Variants in DIPK1A observed in about 807,000 individuals in gnomAD.
The protein encoded by DIPK1A is divergent protein kinase domain 1A.
Under a neutral mutation model 40.8 loss-of-function variants are expected in DIPK1A, and 27 were observed. The ratio of observed to expected loss-of-function variants is 0.66; its 90% CI spans 0.49 to 0.91. The LOEUF (loss-of-function observed/expected upper bound fraction) is 0.91, where lower values mean the gene tolerates loss of function less well. DIPK1A is among the 40% of genes least tolerant of loss of function. DIPK1A has a pLI of 0.00. For synonymous variants in DIPK1A, 166 were observed against 171.3 expected (o/e 0.97, Z 0.24); for missense variants, 412 against 505.7 (o/e 0.81, Z 1.78).
chr1:92,943,037 C>G (rs1302846180), intron 1 of DIPK1A, among the ~76,000 whole-genome samples: 2 of 152,218 alleles, frequency 1.3e-5, no homozygotes, highest in African/African-American at 4.8e-5. Flanking sequence ...TATTAGAAAA[C>G]AGATGCTGCA....
At position 92,843,433 on chromosome 1, in the gene DIPK1A, T is replaced by C. The variant is rs1322969384; in HGVS notation, c.1237A>G (p.Asn413Asp). 6.4e-7 allele frequency: 1 copy of C among 1,550,452 alleles called. No individual in the cohort carries two copies. The highest frequency in any genetic ancestry group is 1.4e-5 in the African/African-American group (1 of 73,122). ...TTCTTCCACAATAATGTTTTTAGGT[T>C]ATTTAGTATCAAAGAATGTTCCATT... is the stretch of plus-strand genomic sequence containing the variant. The part of the protein sequence containing the change: ...MEMEHSLILN[N>D]LKTLLWKKIS... The change falls in exon 5 of 5, where the codon AAC becomes GAC. Residue 413 changes from asparagine (N) to aspartate (D), a missense_variant. Coordinates refer to ENST00000370310, the MANE Select transcript of DIPK1A (RefSeq NM_001006605.5).
chr1:92,839,909 T>C (rs1017088020), downstream of DIPK1A, among the ~76,000 whole-genome samples: 4 of 152,014 alleles, frequency 2.6e-5, no homozygotes, highest in Non-Finnish European at 5.9e-5. Flanking sequence ...GGCACAATTA[T>C]AGCTCATTGC....
At chr1:92,936,925 AC>A (rs918470114) in intron 1 of DIPK1A, among the ~76,000 whole-genome samples, 9 of 152,218 alleles carry the variant, frequency 5.9e-5, no homozygotes, top group African/African-American at 1.9e-4. Context: ...AGATATAGAT[AC>A]CCTTACATGC....
At chr1:92,920,558 C>T (rs904255148) in intron 1 of DIPK1A, among the ~76,000 whole-genome samples, 1 of 152,330 alleles carries the variant, frequency 6.6e-6, no homozygotes, top group African/African-American at 2.4e-5. Context: ...AGAAGAGATA[C>T]ATATCTAGCT....
At chr1:92,887,170 C>G (rs1188510950) in intron 1 of DIPK1A, among the ~76,000 whole-genome samples, 1 of 148,918 alleles carries the variant, frequency 6.7e-6, no homozygotes, top group Non-Finnish European at 1.5e-5. Flanking sequence ...GTAATTCCAG[C>G]ACTTTAGGAG....
At chr1:92,844,224 A>C in intron 4 of DIPK1A, 29 bp from the exon 5 acceptor site, 3 of 1,427,866 alleles carry the variant, frequency 2.1e-6, no homozygotes, top group Non-Finnish European at 2.9e-6. Flanking sequence ...GTTACACAGA[A>C]GGAATGAAAA....
chr1:92,845,592 G>A lies in DIPK1A; in HGVS notation c.475-1397C>T, dbSNP rs1040935047. On this transcript the variant is annotated intron_variant, in intron 4 of 4. Coordinates refer to ENST00000370310, the MANE Select transcript of DIPK1A (RefSeq NM_001006605.5). ...GGTGGCTCACGCCTGTAATCCCAGCGCTTTGGGAGGCTGAGGCGGGTGGAT... is the reference window on the plus strand; with the variant it reads ...GGTGGCTCACGCCTGTAATCCCAGCACTTTGGGAGGCTGAGGCGGGTGGAT... 38 of 276,228 alleles carry A rather than the reference G, an allele frequency of 1.4e-4. 1 individual carries two copies. The highest frequency in any genetic ancestry group is 1.1e-3 in the South Asian group (35 of 33,182). 17.1% of individuals were successfully genotyped at this position (276,228 alleles called of 1,614,324 possible). A position where few individuals can be genotyped will look rare whatever the true frequency, so the allele number is the denominator to read the frequency against.
chr1:92,961,375 C>T lies in DIPK1A; in HGVS notation c.54+1G>A. ...TGGTGGCTGGGCGGCCGCCGGCCTACCTGGAGGTAATAGGGTTTCCTTAGC... is the reference window on the plus strand; with the variant it reads ...TGGTGGCTGGGCGGCCGCCGGCCTATCTGGAGGTAATAGGGTTTCCTTAGC... On this transcript the variant is annotated splice_donor_variant, in intron 1 of 4. Transcript: ENST00000370310. LOFTEE classifies it high-confidence loss of function. The T allele has an allele frequency of 2.0e-6, 3 of 1,519,920 alleles. No homozygotes were observed. The highest frequency in any genetic ancestry group is 2.7e-6 in the Non-Finnish European group (3 of 1,130,648). The allele number at this position is 1,519,920 out of a possible 1,614,324, so 94.2% of individuals were successfully genotyped here.
chr1:92,870,431 G>A (rs905453176), intron 2 of DIPK1A, among the ~76,000 whole-genome samples: 15 of 152,166 alleles, frequency 9.9e-5, no homozygotes, highest in African/African-American at 3.6e-4. Flanking sequence ...TCACCATGTT[G>A]GCCAGGCTGG....
intron 1 of DIPK1A, among the ~76,000 whole-genome samples, chr1:92,891,117 T>C (rs1648850911): frequency 6.6e-6 from 1 of 152,182 alleles, no homozygotes; most frequent in South Asian, 2.1e-4. Context: ...TTCTTCATGA[T>C]ACAAAGTCTC....
intron 1 of DIPK1A, among the ~76,000 whole-genome samples, chr1:92,894,416 T>C (rs1489866584): frequency 6.6e-5 from 10 of 152,076 alleles, no homozygotes; most frequent in East Asian, 1.9e-4. Context: ...GGGTACATAA[T>C]GAAATGAAGG....
At chr1:92,858,007 T>C (rs1242983458) in intron 2 of DIPK1A, among the ~76,000 whole-genome samples, 3 of 152,206 alleles carry the variant, frequency 2.0e-5, no homozygotes, top group Non-Finnish European at 4.4e-5. Context: ...GCTAGGACTT[T>C]CATCCTTATT....
intron 3 of DIPK1A, among the ~76,000 whole-genome samples, chr1:92,850,260 G>A (rs779981671): frequency 1.3e-5 from 2 of 152,110 alleles, no homozygotes; most frequent in South Asian, 2.1e-4. Context: ...GTGAGCCACC[G>A]CACCAGGTTG....
At chr1:92,903,839 C>T (rs1242102680) in intron 1 of DIPK1A, among the ~76,000 whole-genome samples, 1 of 152,162 alleles carries the variant, frequency 6.6e-6, no homozygotes, top group Non-Finnish European at 1.5e-5. Context: ...CTAAGTGTCT[C>T]AGAGAACAGA....
chr1:92,910,587 C>T (rs1217360255), intron 1 of DIPK1A, among the ~76,000 whole-genome samples: 1 of 151,780 alleles, frequency 6.6e-6, no homozygotes, highest in Non-Finnish European at 1.5e-5. Flanking sequence ...TTCCAAGATT[C>T]CATTCCTTTA....
At chr1:92,911,193 G>C (rs1319696993) in intron 1 of DIPK1A, among the ~76,000 whole-genome samples, 1 of 152,188 alleles carries the variant, frequency 6.6e-6, no homozygotes, top group African/African-American at 2.4e-5. Flanking sequence ...AATTGTATGA[G>C]GAAGTGAGTT....
At chr1:92,861,316 TC>T (rs1647258245) in intron 2 of DIPK1A, among the ~76,000 whole-genome samples, 2 of 102,832 alleles carry the variant, frequency 1.9e-5, no homozygotes, top group African/African-American at 6.9e-5. Flanking sequence ...CTATTCTCTC[TC>T]TCTCTTTTTT....
Position 92,842,678 on chromosome 1 carries a change from T to C in DIPK1A, c.*705A>G, listed in dbSNP as rs1235494412. Reference sequence around the variant, plus strand: ...TCTTGATTGGGCCTTAAGATGTCAGTTTTGAAGGGCTCAGTCAGCTGCGTG... The same window carrying C: ...TCTTGATTGGGCCTTAAGATGTCAGCTTTGAAGGGCTCAGTCAGCTGCGTG... On this transcript the variant is annotated 3_prime_UTR_variant, in exon 5 of 5. Coordinates refer to ENST00000370310, the MANE Select transcript of DIPK1A (RefSeq NM_001006605.5). 4.1e-6 allele frequency: 4 copies of C among 985,400 alleles called. No homozygotes were observed. Among genetic ancestry groups the C allele is most frequent in the Non-Finnish European group, 3.6e-6 (3 of 829,920 alleles). The allele number at this position is 985,400 out of a possible 1,614,324, so 61.0% of individuals were successfully genotyped here. A position where few individuals can be genotyped will look rare whatever the true frequency, so the allele number is the denominator to read the frequency against.
intron 1 of DIPK1A, among the ~76,000 whole-genome samples, chr1:92,897,897 A>C (rs1649244307): frequency 6.6e-6 from 1 of 152,142 alleles, no homozygotes; most frequent in South Asian, 2.1e-4. Flanking sequence ...TCAGGAGTTC[A>C]AGACCAGCCT....
Sources: allele counts gnomAD v4.1 joint callset (sites outside exome capture counted in the v4.1 genomes callset), GRCh38; gene constraint gnomAD v4.1.1; transcripts MANE v1.5; gene names NCBI Gene and HGNC (gene_info 2026-07-23, HGNC 2026-07-21).